The following MALRD1 variants were observed in gnomAD, a reference collection of about 807,000 sequenced individuals.
MALRD1 encodes the protein MAM and LDL receptor class A domain containing 1.
In MALRD1, 247 loss-of-function variants were observed where a neutral mutation model predicts 242.1. The ratio of observed to expected loss-of-function variants is 1.02; its 90% CI spans 0.92 to 1.13. MALRD1 has a LOEUF of 1.13. Ranked by LOEUF, MALRD1 falls within the 50% of genes most tolerant of loss-of-function variation. The pLI is 0.00. For missense variants in MALRD1, 2,989 were observed against 2,533.1 expected (o/e 1.18, Z -3.86); for synonymous variants, 995 against 866.6 (o/e 1.15, Z -2.60).
At chr10:19,434,262 C>A (rs1049706084) in intron 28 of MALRD1, among the ~76,000 whole-genome samples, 1 of 152,114 alleles carries the variant, frequency 6.6e-6, no homozygotes, top group African/African-American at 2.4e-5. Flanking sequence ...TCTAAAATTA[C>A]ACATATCTAT....
intron 38 of MALRD1, among the ~76,000 whole-genome samples, chr10:19,698,191 C>T (rs766738757): frequency 6.6e-6 from 1 of 152,130 alleles, no homozygotes; most frequent in Admixed American, 6.6e-5. Flanking sequence ...ACCTTTGAAG[C>T]CTGAGGAATA....
At chr10:19,613,675 A>T (rs1839003425) in intron 35 of MALRD1, among the ~76,000 whole-genome samples, 1 of 152,072 alleles carries the variant, frequency 6.6e-6, no homozygotes, top group African/African-American at 2.4e-5. Context: ...CAGAATTCTA[A>T]CACATGAAAC....
At chr10:19,473,657 T>A (rs1235225866) in intron 29 of MALRD1, among the ~76,000 whole-genome samples, 2 of 152,156 alleles carry the variant, frequency 1.3e-5, no homozygotes, top group East Asian at 1.9e-4. Context: ...AAAACTTCCA[T>A]GAAAACTTGT....
At chr10:19,704,956 C>T (rs1277544935) in intron 38 of MALRD1, among the ~76,000 whole-genome samples, 1 of 152,046 alleles carries the variant, frequency 6.6e-6, no homozygotes, top group African/African-American at 2.4e-5. Flanking sequence ...AGACTAGCTA[C>T]AGCAACATGA....
chr10:19,281,688 A>G (rs1304849537), intron 20 of MALRD1, among the ~76,000 whole-genome samples: 1 of 152,152 alleles, frequency 6.6e-6, no homozygotes, highest in African/African-American at 2.4e-5. Flanking sequence ...AACACATAAC[A>G]TGGCCAGGTG....
chr10:19,197,090 T>A (rs1239123499), intron 14 of MALRD1, among the ~76,000 whole-genome samples: 3 of 152,050 alleles, frequency 2.0e-5, no homozygotes, highest in African/African-American at 7.2e-5. Context: ...GCACGTCTTA[T>A]ATGGTGGCAG....
intron 28 of MALRD1, among the ~76,000 whole-genome samples, chr10:19,400,903 T>G (rs141205691): frequency 2.2e-4 from 34 of 151,876 alleles, no homozygotes; most frequent in African/African-American, 6.3e-4. Context: ...GTAATCCTAA[T>G]TACTCGGGAG....
At chr10:19,275,440 G>A (rs1332713625) in intron 19 of MALRD1, among the ~76,000 whole-genome samples, 2 of 152,056 alleles carry the variant, frequency 1.3e-5, no homozygotes, top group Non-Finnish European at 2.9e-5. Context: ...AGGCCAAGGC[G>A]GGCAGATCAC....
chr10:19,361,746 C>A (rs1246620014), intron 26 of MALRD1, among the ~76,000 whole-genome samples: 4 of 152,054 alleles, frequency 2.6e-5, no homozygotes, highest in Non-Finnish European at 5.9e-5. Flanking sequence ...ACTCCTCTAA[C>A]CATTTCAACA....
chr10:19,103,738 G>A (rs765767915), intron 4 of MALRD1, among the ~76,000 whole-genome samples: 2 of 152,034 alleles, frequency 1.3e-5, no homozygotes, highest in Admixed American at 6.6e-5. Flanking sequence ...GAGTATTGCT[G>A]CATTTCACTA....
At chr10:19,209,958 G>GT (rs1328839088) in intron 18 of MALRD1, among the ~76,000 whole-genome samples, 65 of 152,288 alleles carry the variant, frequency 4.3e-4, no homozygotes, top group African/African-American at 1.5e-3. Flanking sequence ...TTACTGAAAT[G>GT]AACAACCTGG....
At chr10:19,324,168 G>A in intron 22 of MALRD1, 63 bp downstream of exon 22, 1 of 1,444,696 alleles carries the variant, frequency 6.9e-7, no homozygotes, top group Non-Finnish European at 9.4e-7. Context: ...GCATAATTTG[G>A]TATCATTAAA....
chr10:19,439,806 T>G (rs2483082), intron 28 of MALRD1, among the ~76,000 whole-genome samples: 4 of 151,474 alleles, frequency 2.6e-5, no homozygotes, highest in Non-Finnish European at 5.9e-5. Flanking sequence ...CTTTTTATCC[T>G]CCTTCCCCAC....
intron 7 of MALRD1, 21 bp from the exon 8 acceptor site, chr10:19,128,200 C>CT: frequency 8.1e-7 from 1 of 1,232,468 alleles, no homozygotes; most frequent in Non-Finnish European, 1.0e-6. Flanking sequence ...TAAATTGCTT[C>CT]TTTTTTCTTT....
intron 36 of MALRD1, among the ~76,000 whole-genome samples, chr10:19,633,023 G>C (rs1839975903): frequency 6.6e-6 from 1 of 152,120 alleles, no homozygotes; most frequent in Non-Finnish European, 1.5e-5. Context: ...CTTGAGGTCA[G>C]GAGTTCAAGA....
chr10:19,209,792 C>A (rs953492961), intron 18 of MALRD1, 112 bp downstream of exon 18: 3 of 1,073,744 alleles, frequency 2.8e-6, no homozygotes, highest in Admixed American at 3.0e-5. Flanking sequence ...ATCAAAGTTA[C>A]ATTGAGACAC....
intron 21 of MALRD1, among the ~76,000 whole-genome samples, chr10:19,319,931 A>G (rs539450622): frequency 1.1e-4 from 17 of 152,158 alleles, no homozygotes; most frequent in South Asian, 6.2e-4. Context: ...TGCATTTAAA[A>G]CATTTAATGC....
chr10:19,133,859 GA>G lies in MALRD1; in HGVS notation c.1116del (p.Glu373LysfsTer15). 1 of 1,224,634 alleles carries G rather than the reference GA, an allele frequency of 8.2e-7. No individual in the cohort carries two copies. 75.9% of individuals were successfully genotyped at this position (1,224,634 alleles called of 1,614,324 possible). On this transcript the variant is annotated frameshift_variant, in exon 9 of 40. Coordinates refer to ENST00000454679, the MANE Select transcript of MALRD1 (RefSeq NM_001142308.3). LOFTEE classifies it high-confidence loss of function. ...TGTCTTTCTCTTCAAATCAAAGGAA[GA>G]AGAAATATTTTGGACATACAACATA... is the stretch of plus-strand genomic sequence containing the variant. ...LRVRLYNNKE[E>X]EIFWTYNIST...
Position 19,052,598 on chromosome 10 carries a change from C to T in MALRD1, c.199+3461C>T, listed in dbSNP as rs75887765. Reference sequence around the variant, plus strand: ...CCTTACCCTCCTGCCTCCCACCTTCCGTGCAACAACAGCCCTCTAGCCCAG... The same window carrying T: ...CCTTACCCTCCTGCCTCCCACCTTCTGTGCAACAACAGCCCTCTAGCCCAG... On this transcript the variant is annotated intron_variant, in intron 1 of 39. Transcript: ENST00000454679. 4.2e-3 allele frequency among the ~76,000 whole-genome samples: 634 copies of T among 152,246 alleles called. 13 individuals carry two copies. Among genetic ancestry groups the T allele is most frequent in the East Asian group, 0.024 (124 of 5,150 alleles).
Sources: allele counts gnomAD v4.1 joint callset (sites outside exome capture counted in the v4.1 genomes callset), GRCh38; gene constraint gnomAD v4.1.1; transcripts MANE v1.5; gene names NCBI Gene and HGNC (gene_info 2026-07-23, HGNC 2026-07-21).